MYRIP: variants seen among roughly 807,000 people sequenced by gnomAD.
The protein encoded by MYRIP is rab effector MyRIP.
In MYRIP, 49 loss-of-function variants were observed where a neutral mutation model predicts 98.0. The observed-to-expected ratio is 0.50, with a 90% CI of 0.40 to 0.63. MYRIP has a LOEUF of 0.63. Among genes scored for constraint, MYRIP ranks in the 30% least tolerant of loss-of-function variants. The probability of loss-of-function intolerance (pLI) is 0.00; values close to 1 mark genes in which losing one functional copy is unlikely to be tolerated. For missense variants in MYRIP, 1,004 were observed against 1,058.2 expected, an observed-to-expected ratio of 0.95 and a Z score of 0.71; for synonymous variants, 404 against 409.5, an observed-to-expected ratio of 0.99 and a Z score of 0.16.
intron 2 of MYRIP, among the ~76,000 whole-genome samples, chr3:39,937,117 T>G (rs539005003): frequency 1.7e-4 from 26 of 152,272 alleles, no homozygotes; most frequent in Non-Finnish European, 2.6e-4. Flanking sequence ...AATCATTTAG[T>G]GCTTTCAGTC....
chr3:39,993,786 A>G (rs9852193), intron 2 of MYRIP, among the ~76,000 whole-genome samples: 15,389 of 152,218 alleles, frequency 0.1, 1,355 homozygotes, highest in African/African-American at 0.23. Context: ...TCTGTGAGTA[A>G]ATGCAGTAAT....
chr3:40,236,353 C>T (rs1000792023), intron 12 of MYRIP, among the ~76,000 whole-genome samples: 8 of 152,090 alleles, frequency 5.3e-5, no homozygotes, highest in Non-Finnish European at 1.0e-4. Flanking sequence ...GGTTAAAGGA[C>T]TTTGTAATTT....
At chr3:39,989,680 A>G (rs1213033474) in intron 2 of MYRIP, among the ~76,000 whole-genome samples, 3 of 152,204 alleles carry the variant, frequency 2.0e-5, no homozygotes, top group African/African-American at 7.2e-5. Flanking sequence ...GCTCAGGCCC[A>G]GGGAGATCAG....
At chr3:40,104,133 A>AC (rs766190368) in intron 3 of MYRIP, among the ~76,000 whole-genome samples, 2 of 152,194 alleles carry the variant, frequency 1.3e-5, no homozygotes, top group Non-Finnish European at 2.9e-5. Flanking sequence ...ATCAGTTCAA[A>AC]CCCCATGTGC....
At chr3:40,228,183 G>A (rs1373059479) in intron 11 of MYRIP, among the ~76,000 whole-genome samples, 1 of 152,170 alleles carries the variant, frequency 6.6e-6, no homozygotes, top group Non-Finnish European at 1.5e-5. Context: ...TCACCAGGCC[G>A]CAGCTGTCCC....
At chr3:40,103,635 T>G (rs912980986) in intron 3 of MYRIP, among the ~76,000 whole-genome samples, 2 of 152,150 alleles carry the variant, frequency 1.3e-5, no homozygotes, top group African/African-American at 2.4e-5. Flanking sequence ...GGCATGCACC[T>G]GTAATCCCAA....
chr3:40,117,981 A>G (rs1297968311), intron 3 of MYRIP, among the ~76,000 whole-genome samples: 2 of 151,896 alleles, frequency 1.3e-5, no homozygotes, highest in Non-Finnish European at 2.9e-5. Context: ...TTAAATTGCA[A>G]AAACTAATTT....
chr3:39,816,921 G>A (rs561347443), intron 1 of MYRIP, among the ~76,000 whole-genome samples: 24 of 152,154 alleles, frequency 1.6e-4, no homozygotes, highest in African/African-American at 5.8e-4. Flanking sequence ...CCTCTGTAAT[G>A]ATAACAGCCT....
In MYRIP at chr3:39,967,694, C is replaced by T. The variant is rs549605018; in HGVS notation, c.110+66768C>T. 2.6e-4 allele frequency among the ~76,000 whole-genome samples: 40 copies of T among 152,238 alleles called. No homozygotes were observed. The South Asian group carries it at 7.7e-3, about 29-fold the overall frequency. On this transcript the variant is annotated intron_variant, in intron 2 of 16. Coordinates refer to ENST00000302541, the MANE Select transcript of MYRIP (RefSeq NM_015460.4). ...ACAATGGTTGAGCTAATTTACACTCCCACTAACAGTGTATAAGTGTTCCCA... is the reference window on the plus strand; with the variant it reads ...ACAATGGTTGAGCTAATTTACACTCTCACTAACAGTGTATAAGTGTTCCCA...
rs1237677915 is a variant in MYRIP, at chr3:40,259,946, A to G, written c.*1780A>G. The G allele has an allele frequency of 6.6e-6, 1 of 152,536 alleles. No individual in the cohort carries two copies. Among genetic ancestry groups the G allele is most frequent in the African/African-American group, 2.4e-5 (1 of 41,344 alleles). 9.4% of individuals were successfully genotyped at this position (152,536 alleles called of 1,614,324 possible). A position where few individuals can be genotyped will look rare whatever the true frequency, so the allele number is the denominator to read the frequency against. ...TCAGTTTTCTTTGACAAAAATGTGT[A>G]CTGTGTAAGCCTTGCAAACAAAAAA... On this transcript the variant is annotated 3_prime_UTR_variant, in exon 17 of 17. Coordinates refer to ENST00000302541, the MANE Select transcript of MYRIP (RefSeq NM_015460.4).
At chr3:40,025,405 G>A (rs570169743) in intron 2 of MYRIP, among the ~76,000 whole-genome samples, 3 of 152,088 alleles carry the variant, frequency 2.0e-5, no homozygotes, top group Admixed American at 2.0e-4. Context: ...GATTCTGTCT[G>A]AAAGTACCTA....
At chr3:40,006,547 G>T (rs890836158) in intron 2 of MYRIP, among the ~76,000 whole-genome samples, 1 of 152,122 alleles carries the variant, frequency 6.6e-6, no homozygotes. Context: ...TCAAGAAAAC[G>T]TCCTGTTTCT....
chr3:39,810,861 TG>T (rs1940661053), intron 1 of MYRIP: 1 of 152,334 alleles, frequency 6.6e-6, no homozygotes, highest in Admixed American at 6.5e-5. Context: ...GCGAGTACGC[TG>T]TGGGCTTGGT....
chr3:39,848,781 A>G (rs1016057132), intron 1 of MYRIP, among the ~76,000 whole-genome samples: 16 of 152,218 alleles, frequency 1.1e-4, no homozygotes, highest in African/African-American at 3.9e-4. Flanking sequence ...CAAATGCACA[A>G]AACTTGGAAT....
intron 2 of MYRIP, among the ~76,000 whole-genome samples, chr3:39,976,726 T>C (rs912930462): frequency 2.9e-4 from 44 of 152,284 alleles, no homozygotes; most frequent in African/African-American, 1.0e-3. Flanking sequence ...TAAAAAAGGA[T>C]GAGTTCCTTG....
chr3:40,036,302 C>CAAAAAAA (rs71091786), intron 2 of MYRIP, among the ~76,000 whole-genome samples: 11 of 64,280 alleles, frequency 1.7e-4, no homozygotes, highest in South Asian at 5.9e-4. Flanking sequence ...CAACTGATAC[C>CAAAAAAA]AAAAAAAAAA....
intron 11 of MYRIP, among the ~76,000 whole-genome samples, chr3:40,226,453 G>A (rs952018490): frequency 6.6e-6 from 1 of 152,064 alleles, no homozygotes; most frequent in African/African-American, 2.4e-5. Flanking sequence ...AGGTCCTTGC[G>A]ACCTTTGATT....
At chr3:40,161,332 C>T (rs1005654169) in intron 4 of MYRIP, among the ~76,000 whole-genome samples, 4 of 152,174 alleles carry the variant, frequency 2.6e-5, no homozygotes, top group African/African-American at 7.2e-5. Flanking sequence ...TCATGCAAAA[C>T]CAGGGCTTGT....
intron 10 of MYRIP, chr3:40,208,896 A>C (rs1442505404): frequency 6.6e-6 from 1 of 152,004 alleles, no homozygotes; most frequent in African/African-American, 2.4e-5. Flanking sequence ...CTCCATTCCC[A>C]CCCTATTGGT....
Sources: gnomAD v4.1 joint callset for allele counts (sites outside exome capture counted in the v4.1 genomes callset) on GRCh38, gnomAD v4.1.1 for gene constraint, MANE v1.5 for transcripts, NCBI Gene and HGNC (gene_info 2026-07-23, HGNC 2026-07-21) for gene names.